The following GRIK4 variants were observed in gnomAD, a reference collection of about 807,000 sequenced individuals.
GRIK4 encodes the protein glutamate receptor ionotropic, kainate 4.
In GRIK4, 40 loss-of-function variants were observed where a neutral mutation model predicts 104.9. The ratio of observed to expected loss-of-function variants is 0.38; its 90% CI spans 0.30 to 0.50. The LOEUF is 0.50. Ranked by LOEUF, GRIK4 falls within the 20% of genes least tolerant of loss-of-function variation. The pLI is 0.93. For missense variants in GRIK4, 1,047 were observed against 1,308.1 expected (o/e 0.80, Z 3.08); for synonymous variants, 485 against 524.9 (o/e 0.92, Z 1.04).
At chr11:120,726,700 A>G (rs1370971185) in intron 3 of GRIK4, among the ~76,000 whole-genome samples, 1 of 152,198 alleles carries the variant, frequency 6.6e-6, no homozygotes, top group Non-Finnish European at 1.5e-5. Flanking sequence ...AATTTGAGAC[A>G]TCTATTAGAC....
chr11:120,558,017 CA>C (rs59960959), intron 1 of GRIK4, among the ~76,000 whole-genome samples: 6,021 of 39,868 alleles, frequency 0.15, 109 homozygotes, highest in African/African-American at 0.33. Context: ...GACTCCGTCT[CA>C]AAAAAAAAAA....
chr11:120,565,449 C>T (rs980302564), intron 1 of GRIK4, among the ~76,000 whole-genome samples: 1 of 152,170 alleles, frequency 6.6e-6, no homozygotes, highest in African/African-American at 2.4e-5. Flanking sequence ...ATTAGTGTGG[C>T]AAATTTTATT....
intron 19 of GRIK4, among the ~76,000 whole-genome samples, chr11:120,968,912 G>T (rs1467696169): frequency 1.3e-5 from 2 of 152,190 alleles, no homozygotes; most frequent in Non-Finnish European, 2.9e-5. Flanking sequence ...TCATCCCTGG[G>T]CCCAGTGTAT....
intron 9 of GRIK4, 21 bp from the exon 10 acceptor site, chr11:120,874,045 C>T (rs552051911): frequency 4.1e-5 from 65 of 1,590,066 alleles, no homozygotes; most frequent in Non-Finnish European, 5.5e-5. Context: ...CTCCCTCCGC[C>T]TGCTCCCCGG....
chr11:120,780,898 C>T lies in GRIK4; in HGVS notation c.83-21795C>T, dbSNP rs538064447. Among the ~76,000 whole-genome samples, 129 of 152,122 alleles carry T rather than the reference C, an allele frequency of 8.5e-4. 1 individual carries two copies. Among genetic ancestry groups the T allele is most frequent in the South Asian group, 6.9e-3 (33 of 4,804 alleles). Reference sequence around the variant, plus strand: ...CTGGGACTACAGGCGCCTGCCACCACGCCTGGCTAATTTTTTTGCATTTTT... The same window carrying T: ...CTGGGACTACAGGCGCCTGCCACCATGCCTGGCTAATTTTTTTGCATTTTT... On this transcript the variant is annotated intron_variant, in intron 3 of 20. Coordinates refer to ENST00000527524, the MANE Select transcript of GRIK4 (RefSeq NM_014619.5).
chr11:120,966,169 G>A (rs1467436471), intron 18 of GRIK4, among the ~76,000 whole-genome samples: 1 of 152,156 alleles, frequency 6.6e-6, no homozygotes, highest in Non-Finnish European at 1.5e-5. Flanking sequence ...CTTTTGAGGA[G>A]GGAAGGAGGA....
chr11:120,895,179 G>T (rs1942543983), intron 11 of GRIK4, among the ~76,000 whole-genome samples: 3 of 152,144 alleles, frequency 2.0e-5, no homozygotes, highest in Admixed American at 6.5e-5. Context: ...TGGGGCCGGG[G>T]CTTCTTTTAG....
At chr11:120,793,785 G>A (rs958920651) in intron 3 of GRIK4, among the ~76,000 whole-genome samples, 4 of 151,560 alleles carry the variant, frequency 2.6e-5, no homozygotes, top group Admixed American at 6.6e-5. Context: ...GCTGAGAGCT[G>A]GGCAATGTTT....
intron 2 of GRIK4, among the ~76,000 whole-genome samples, chr11:120,658,922 G>A: frequency 6.6e-6 from 1 of 151,700 alleles, no homozygotes. Flanking sequence ...CTAATTTTTT[G>A]TATTTTTAGT....
At chr11:120,835,857 A>G (rs987267895) in intron 7 of GRIK4, among the ~76,000 whole-genome samples, 1 of 152,194 alleles carries the variant, frequency 6.6e-6, no homozygotes, top group African/African-American at 2.4e-5. Flanking sequence ...TATGACGGGT[A>G]CAAAGATCAG....
intron 13 of GRIK4, among the ~76,000 whole-genome samples, chr11:120,907,487 T>C (rs1353433350): frequency 2.0e-5 from 3 of 152,212 alleles, no homozygotes; most frequent in Admixed American, 6.5e-5. Context: ...TTTGGCCTCA[T>C]TGAGACTTGG....
At chr11:120,895,333 T>C (rs1307961248) in intron 11 of GRIK4, among the ~76,000 whole-genome samples, 1 of 152,138 alleles carries the variant, frequency 6.6e-6, no homozygotes, top group Non-Finnish European at 1.5e-5. Flanking sequence ...GTTCCATACA[T>C]CCCAGTGCTG....
At chr11:120,929,555 T>G (rs1035377250) in intron 13 of GRIK4, among the ~76,000 whole-genome samples, 4 of 152,178 alleles carry the variant, frequency 2.6e-5, no homozygotes, top group African/African-American at 9.7e-5. Flanking sequence ...GTTATTCTGC[T>G]CAAATGCACA....
At position 120,660,328 on chromosome 11, in the gene GRIK4, G is replaced by A. The variant is rs766648062; in HGVS notation, c.10G>A (p.Val4Ile). Residue 4 changes from valine to isoleucine, a missense_variant, in exon 3 of 21, where the codon GTC (valine) becomes ATC (isoleucine). Transcript: ENST00000527524. The stretch of plus-strand genomic sequence containing the variant: ...TGAGGATTCATAGAAGATGCCCCGC[G>A]TCTCGGCGCCTTTGGTGCTGCTTCC... Reference protein sequence around the residue: MPRVSAPLVLLPAW... With the variant: MPRISAPLVLLPAW... 5.1e-5 allele frequency: 83 copies of A among 1,612,908 alleles called. No homozygotes were observed. Among genetic ancestry groups the A allele is most frequent in the Middle Eastern group, 1.6e-4 (1 of 6,082 alleles).
rs755664878 is a variant in GRIK4, at chr11:120,871,760, G to A, written c.907-2306G>A. 4 of 456,312 alleles carry A rather than the reference G, an allele frequency of 8.8e-6. No individual in the cohort carries two copies. The East Asian group carries it at 2.1e-4, about 24-fold the overall frequency. 28.3% of individuals were successfully genotyped at this position (456,312 alleles called of 1,614,324 possible). A position where few individuals can be genotyped will look rare whatever the true frequency, so the allele number is the denominator to read the frequency against. ...GTGGCTGAATAAAAGTGGGAATAAA[G>A]CAAAGAAGCAAGGCAAGGAGGAGAA... On this transcript the variant is annotated intron_variant, in intron 9 of 20. Coordinates refer to ENST00000527524, the MANE Select transcript of GRIK4 (RefSeq NM_014619.5).
In GRIK4 at chr11:120,939,928, C is replaced by T. The variant is rs1395667198; in HGVS notation, c.1477-419C>T. Among the ~76,000 whole-genome samples, 2 of 151,604 alleles carry T rather than the reference C, an allele frequency of 1.3e-5. No homozygotes were observed. Among genetic ancestry groups the T allele is most frequent in the Non-Finnish European group, 2.9e-5 (2 of 67,940 alleles). ...TCAGGAGGCAGAGGTTGCGGCGAGCCGAGATGGCGCCACTGCACTCCAGCC... is the reference window on the plus strand; with the variant it reads ...TCAGGAGGCAGAGGTTGCGGCGAGCTGAGATGGCGCCACTGCACTCCAGCC... On this transcript the variant is annotated intron_variant, in intron 13 of 20. Transcript: ENST00000527524. The surrounding 1 kb of genome is among the most constrained non-coding windows in gnomAD (Gnocchi z 5.6).
intron 3 of GRIK4, among the ~76,000 whole-genome samples, chr11:120,719,365 T>G (rs1233989043): frequency 6.6e-6 from 1 of 152,218 alleles, no homozygotes; most frequent in Non-Finnish European, 1.5e-5. Context: ...GGTGGCTTCC[T>G]TCCAGAGATA....
Position 120,674,424 on chromosome 11 carries a change from G to T in GRIK4, c.82+14024G>T, listed in dbSNP as rs1239401997. Among the ~76,000 whole-genome samples the T allele has an allele frequency of 2.6e-5, 4 of 152,308 alleles. No homozygotes were observed. In the East Asian group the frequency reaches 5.8e-4, roughly 22 times the overall value. The stretch of plus-strand genomic sequence containing the variant: ...CTATAAAACACATCCCCCTGCCCTG[G>T]CTCTTCATAGGTTGGGCTTTGCTTT... On this transcript the variant is annotated intron_variant, in intron 3 of 20. Coordinates refer to ENST00000527524, the MANE Select transcript of GRIK4 (RefSeq NM_014619.5).
intron 3 of GRIK4, among the ~76,000 whole-genome samples, chr11:120,801,625 C>A (rs1396652472): frequency 6.6e-6 from 1 of 152,194 alleles, no homozygotes; most frequent in Non-Finnish European, 1.5e-5. Flanking sequence ...GGGTAAACCA[C>A]ATTTTTTTAT....
Sources: allele counts gnomAD v4.1 joint callset (sites outside exome capture counted in the v4.1 genomes callset), GRCh38; gene constraint gnomAD v4.1.1; non-coding constraint Gnocchi (gnomAD v3.1); transcripts MANE v1.5; gene names NCBI Gene and HGNC (gene_info 2026-07-23, HGNC 2026-07-21).